ADAMTSL1: variants seen among roughly 807,000 people sequenced by gnomAD.
The protein encoded by ADAMTSL1 is ADAMTS-like protein 1.
Under a neutral mutation model 201.8 loss-of-function variants are expected in ADAMTSL1, and 126 were observed. The observed-to-expected ratio is 0.62, with a 90% CI of 0.54 to 0.72. ADAMTSL1 has a LOEUF of 0.72. Among genes scored for constraint, ADAMTSL1 ranks in the 30% least tolerant of loss-of-function variants. The probability of loss-of-function intolerance (pLI) is 0.00; values close to 1 mark genes in which losing one functional copy is unlikely to be tolerated. For synonymous variants in ADAMTSL1, 1,121 were observed against 903.4 expected (o/e 1.24, Z -4.32); for missense variants, 2,679 against 2,277.8 (o/e 1.18, Z -3.59).
At chr9:18,059,000 T>G (rs1241201732) in intron 1 of ADAMTSL1, among the ~76,000 whole-genome samples, 1 of 152,186 alleles carries the variant, frequency 6.6e-6, no homozygotes. Context: ...CACATTCTCA[T>G]TTAAGCCTAA....
At chr9:18,080,748 C>G (rs1362749736) in intron 1 of ADAMTSL1, among the ~76,000 whole-genome samples, 3 of 152,186 alleles carry the variant, frequency 2.0e-5, no homozygotes, top group Non-Finnish European at 2.9e-5. Context: ...AGTGATTTGC[C>G]TAAGTAGTAT....
intron 2 of ADAMTSL1, among the ~76,000 whole-genome samples, chr9:18,262,819 T>C (rs1271088522): frequency 2.6e-5 from 4 of 152,244 alleles, no homozygotes; most frequent in East Asian, 3.8e-4. Flanking sequence ...ATATGGAATG[T>C]TCAAATGACA....
At chr9:17,989,490 C>G (rs573149405) in intron 1 of ADAMTSL1, among the ~76,000 whole-genome samples, 9 of 151,988 alleles carry the variant, frequency 5.9e-5, no homozygotes, top group African/African-American at 1.9e-4. Context: ...ATTAGAAAGT[C>G]ACTGCACTTT....
At chr9:18,821,361 C>T (rs1824198971) in intron 21 of ADAMTSL1, among the ~76,000 whole-genome samples, 1 of 152,176 alleles carries the variant, frequency 6.6e-6, no homozygotes, top group Admixed American at 6.5e-5. Flanking sequence ...ATCTGGAACA[C>T]ATGCCTTCCA....
chr9:18,145,338 A>G (rs1372612179), intron 1 of ADAMTSL1, among the ~76,000 whole-genome samples: 1 of 152,170 alleles, frequency 6.6e-6, no homozygotes, highest in African/African-American at 2.4e-5. Flanking sequence ...TTTGGTAACT[A>G]TTTGACAGGT....
At chr9:18,192,777 T>C (rs922695017) in intron 2 of ADAMTSL1, among the ~76,000 whole-genome samples, 2 of 152,090 alleles carry the variant, frequency 1.3e-5, no homozygotes, top group African/African-American at 4.8e-5. Flanking sequence ...ATGCATGGTT[T>C]TAGAGAATGA....
chr9:18,180,791 A>G (rs554884436), intron 2 of ADAMTSL1, among the ~76,000 whole-genome samples: 1 of 152,070 alleles, frequency 6.6e-6, no homozygotes. Context: ...ACTACTTTAA[A>G]CTTCATATGG....
chr9:18,225,240 C>G (rs1461814806), intron 2 of ADAMTSL1, among the ~76,000 whole-genome samples: 1 of 152,116 alleles, frequency 6.6e-6, no homozygotes, highest in Non-Finnish European at 1.5e-5. Flanking sequence ...ATACCTTCCT[C>G]TAAAGTGTGC....
intron 1 of ADAMTSL1, among the ~76,000 whole-genome samples, chr9:18,103,531 A>G (rs1343984598): frequency 6.6e-6 from 1 of 152,196 alleles, no homozygotes; most frequent in Non-Finnish European, 1.5e-5. Flanking sequence ...ATAGATACAA[A>G]ACCATCCCAG....
At chr9:18,552,561 G>GT (rs1368059089) in intron 3 of ADAMTSL1, among the ~76,000 whole-genome samples, 1 of 151,636 alleles carries the variant, frequency 6.6e-6, no homozygotes, top group East Asian at 1.9e-4. Context: ...TATATCAAAT[G>GT]TTTTGAATGT....
rs548521415 is a variant in ADAMTSL1, at chr9:18,084,902, A to G, written c.88-78960A>G. On this transcript the variant is annotated intron_variant, in intron 1 of 29. Coordinates refer to the ADAMTSL1 transcript ENST00000680146. Reference sequence around the variant, plus strand: ...TGCTAAGCATTAGGGATAAAAATAAAGCTTGCAAAGAGGGGAAGGAAGAAA... The same window carrying G: ...TGCTAAGCATTAGGGATAAAAATAAGGCTTGCAAAGAGGGGAAGGAAGAAA... Among the ~76,000 whole-genome samples, 15 of 152,354 alleles carry G rather than the reference A, an allele frequency of 9.8e-5. No homozygotes were observed. The South Asian group carries it at 2.9e-3, about 29-fold the overall frequency.
At chr9:18,168,316 C>T (rs1367373261) in intron 2 of ADAMTSL1, among the ~76,000 whole-genome samples, 1 of 152,102 alleles carries the variant, frequency 6.6e-6, no homozygotes, top group Non-Finnish European at 1.5e-5. Flanking sequence ...TGATGTTCCC[C>T]TTCCTGTGTC....
chr9:18,154,200 C>G (rs765104472), intron 1 of ADAMTSL1, among the ~76,000 whole-genome samples: 10 of 152,028 alleles, frequency 6.6e-5, no homozygotes, highest in Non-Finnish European at 1.2e-4. Context: ...TCAACATATG[C>G]TACCATGGTG....
intron 3 of ADAMTSL1, among the ~76,000 whole-genome samples, chr9:18,534,618 C>T (rs1488876264): frequency 6.6e-6 from 1 of 152,240 alleles, no homozygotes; most frequent in Admixed American, 6.5e-5. Flanking sequence ...TTCTCTTCCG[C>T]ATTGCCCAGA....
chr9:18,745,718 T>G (rs1170778391), intron 15 of ADAMTSL1, among the ~76,000 whole-genome samples: 8 of 152,236 alleles, frequency 5.3e-5, no homozygotes, highest in Admixed American at 5.2e-4. Flanking sequence ...ATCCATCTAT[T>G]AAAAACCATG....
rs376505871 is a variant in ADAMTSL1, at chr9:18,578,852, A to G, written c.474+4586A>G. Reference sequence around the variant, plus strand: ...TAGTTTACAGTCCCACCAACAGTGTAAAAGTGTTCCTATTTCTCCACATCC... The same window carrying G: ...TAGTTTACAGTCCCACCAACAGTGTGAAAGTGTTCCTATTTCTCCACATCC... On this transcript the variant is annotated intron_variant, in intron 4 of 28. Transcript: ENST00000380548. Among the ~76,000 whole-genome samples the G allele has an allele frequency of 2.0e-4, 30 of 151,254 alleles. 1 individual carries two copies. The highest frequency in any genetic ancestry group is 6.6e-4 in the African/African-American group (27 of 41,186).
intron 15 of ADAMTSL1, among the ~76,000 whole-genome samples, chr9:18,724,562 TA>T (rs1817752703): frequency 6.6e-6 from 1 of 152,244 alleles, no homozygotes; most frequent in Non-Finnish European, 1.5e-5. Flanking sequence ...GAACACTTTT[TA>T]AAAATAGTCA....
intron 14 of ADAMTSL1, among the ~76,000 whole-genome samples, chr9:18,714,407 AG>A (rs1832791079): frequency 6.6e-6 from 1 of 152,178 alleles, no homozygotes; most frequent in African/African-American, 2.4e-5. Flanking sequence ...AAAATGATAA[AG>A]GGGATATCAC....
chr9:18,209,028 A>G (rs1829762355), intron 2 of ADAMTSL1, among the ~76,000 whole-genome samples: 1 of 152,182 alleles, frequency 6.6e-6, no homozygotes, highest in South Asian at 2.1e-4. Flanking sequence ...GACATGCTAT[A>G]TAAAGGAAAA....
Sources: gnomAD v4.1 joint callset for allele counts (sites outside exome capture counted in the v4.1 genomes callset) on GRCh38, gnomAD v4.1.1 for gene constraint, MANE v1.5 for transcripts, NCBI Gene and HGNC (gene_info 2026-07-23, HGNC 2026-07-21) for gene names.